GRXCR2: variants seen among roughly 807,000 people sequenced by gnomAD.
GRXCR2 encodes glutaredoxin domain-containing cysteine-rich protein 2.
A neutral mutation model predicts 24.8 loss-of-function variants in GRXCR2; 23 were observed. The observed-to-expected ratio is 0.93, with a 90% CI of 0.67 to 1.32. GRXCR2 has a LOEUF of 1.32. Ranked by LOEUF, GRXCR2 falls within the 40% of genes most tolerant of loss-of-function variation. The pLI is 0.00. For missense variants in GRXCR2, 315 were observed against 303.4 expected (o/e 1.04, Z -0.28); for synonymous variants, 130 against 116.1 (o/e 1.12, Z -0.77).
intron 2 of GRXCR2, among the ~76,000 whole-genome samples, chr5:145,916,144 T>C (rs960740905): frequency 6.6e-6 from 1 of 152,148 alleles, no homozygotes; most frequent in Non-Finnish European, 1.5e-5. Context: ...GAGCCCCTGC[T>C]TCTGCTGGGG....
At chr5:145,896,281 C>A (rs531971228) in intron 2 of GRXCR2, among the ~76,000 whole-genome samples, 1 of 152,060 alleles carries the variant, frequency 6.6e-6, no homozygotes, top group Non-Finnish European at 1.5e-5. Flanking sequence ...AATTGACAAA[C>A]GGGATGTAAC....
chr5:145,928,752 T>C (rs1342512442), intron 2 of GRXCR2, among the ~76,000 whole-genome samples: 10 of 49,500 alleles, frequency 2.0e-4, no homozygotes, highest in Non-Finnish European at 3.5e-4. Flanking sequence ...GGGCCTGTTG[T>C]GGGGTGGGGG....
chr5:145,920,654 G>A (rs565775147), intron 2 of GRXCR2, among the ~76,000 whole-genome samples: 100 of 152,284 alleles, frequency 6.6e-4, no homozygotes, highest in South Asian at 2.1e-3. Context: ...ACAAACAATC[G>A]TTCCTATGGA....
chr5:145,910,837 AGTGT>A (rs59096502), intron 2 of GRXCR2, among the ~76,000 whole-genome samples: 26 of 150,306 alleles, frequency 1.7e-4, no homozygotes, highest in African/African-American at 4.6e-4. Flanking sequence ...AACTATGTGA[AGTGT>A]GTGTGTGTGT....
chr5:145,873,730 A>C (rs1365323858), upstream of GRXCR2, among the ~76,000 whole-genome samples: 1 of 152,164 alleles, frequency 6.6e-6, no homozygotes, highest in African/African-American at 2.4e-5. Flanking sequence ...CCCTACGCTA[A>C]CCAGAGCACC....
chr5:145,892,066 G>A (rs1756873566), intron 2 of GRXCR2, among the ~76,000 whole-genome samples: 1 of 152,194 alleles, frequency 6.6e-6, no homozygotes, highest in South Asian at 2.1e-4. Context: ...ACCTGCAGCT[G>A]AGGGTCCTGA....
intron 1 of GRXCR2, among the ~76,000 whole-genome samples, chr5:145,870,731 G>C (rs995551294): frequency 1.3e-5 from 2 of 152,002 alleles, no homozygotes; most frequent in Non-Finnish European, 1.5e-5. Flanking sequence ...ATGATTCCAG[G>C]GTGTGCAGCT....
At chr5:145,899,795 A>G (rs1757000855) in intron 2 of GRXCR2, among the ~76,000 whole-genome samples, 1 of 152,184 alleles carries the variant, frequency 6.6e-6, no homozygotes, top group Non-Finnish European at 1.5e-5. Context: ...ACCTCAAACT[A>G]TAAGAATCCT....
intron 2 of GRXCR2, among the ~76,000 whole-genome samples, chr5:145,912,458 T>A (rs1757178576): frequency 6.6e-6 from 1 of 152,154 alleles, no homozygotes; most frequent in African/African-American, 2.4e-5. Flanking sequence ...GTGCTGGAGT[T>A]ACAGCAATGA....
chr5:145,864,956 G>A (rs900205351), intron 2 of GRXCR2, among the ~76,000 whole-genome samples: 2 of 152,146 alleles, frequency 1.3e-5, no homozygotes, highest in African/African-American at 2.4e-5. Flanking sequence ...TCTAGGGGAA[G>A]GGAAGGAGAG....
chr5:145,879,433 CAAAGATCA>C (rs1429620485), intron 2 of GRXCR2, among the ~76,000 whole-genome samples: 1 of 148,090 alleles, frequency 6.8e-6, no homozygotes, highest in Non-Finnish European at 1.5e-5. Flanking sequence ...TTTAAACCTA[CAAAGATCA>C]AAAGAGACAA....
chr5:145,905,334 A>G (rs903122162), intron 2 of GRXCR2, among the ~76,000 whole-genome samples: 1 of 152,216 alleles, frequency 6.6e-6, no homozygotes, highest in African/African-American at 2.4e-5. Flanking sequence ...AGTAAATAAC[A>G]TGTAAGGCCT....
upstream of GRXCR2, among the ~76,000 whole-genome samples, chr5:145,877,155 T>C (rs1372074317): frequency 6.6e-6 from 1 of 152,184 alleles, no homozygotes; most frequent in Non-Finnish European, 1.5e-5. Flanking sequence ...AGATATTTAT[T>C]TAAAGATACT....
chr5:145,930,409 G>T (rs1238081167), intron 2 of GRXCR2, among the ~76,000 whole-genome samples: 1 of 152,172 alleles, frequency 6.6e-6, no homozygotes, highest in African/African-American at 2.4e-5. Context: ...CAGGTCTCAA[G>T]TTCAGATCTA....
At position 145,889,243 on chromosome 5, in the gene GRXCR2, A is replaced by AGAAAGAAAGAAT. The variant is rs1408862997; in HGVS notation, c.-69-22516_-69-22515insATTCTTTCTTTC. Reference sequence around the variant, plus strand: ...AAGAAAGAAAGAAAGAAAGAAAGAAAGAATTATGCAATGGACTCTGGGGAC... The same window carrying AGAAAGAAAGAAT: ...AAGAAAGAAAGAAAGAAAGAAAGAAAGAAAGAAAGAATGAATTATGCAATGGACTCTGGGGAC... On this transcript the variant is annotated intron_variant, in intron 2 of 3. Transcript: ENST00000639411. Among the ~76,000 whole-genome samples the AGAAAGAAAGAAT allele has an allele frequency of 8.8e-4, 130 of 147,628 alleles. 1 individual carries two copies. Among genetic ancestry groups the AGAAAGAAAGAAT allele is most frequent in the African/African-American group, 8.3e-4 (33 of 39,572 alleles).
intron 1 of GRXCR2, among the ~76,000 whole-genome samples, chr5:145,870,135 A>C (rs1756505456): frequency 6.6e-6 from 1 of 152,190 alleles, no homozygotes; most frequent in Admixed American, 6.5e-5. Context: ...AGTGACATTA[A>C]GTGCATTCAC....
intron 2 of GRXCR2, among the ~76,000 whole-genome samples, chr5:145,863,478 T>C (rs1164019395): frequency 1.3e-5 from 2 of 152,230 alleles, no homozygotes; most frequent in Non-Finnish European, 2.9e-5. Context: ...AGGCTTACTC[T>C]TGCTTTTTTA....
In GRXCR2 at chr5:145,887,620, T is replaced by C. The variant is rs540382779; in HGVS notation, c.-69-20892A>G. 2.0e-5 allele frequency among the ~76,000 whole-genome samples: 3 copies of C among 152,382 alleles called. No homozygotes were observed. The South Asian group carries it at 6.2e-4, about 32-fold the overall frequency. ...TCTGAGAAGATGAAACACCTGTTTATAATTATCTGTGCCTAGAACATAGCT... is the reference window on the plus strand; with the variant it reads ...TCTGAGAAGATGAAACACCTGTTTACAATTATCTGTGCCTAGAACATAGCT... On this transcript the variant is annotated intron_variant, in intron 2 of 3. Transcript: ENST00000639411.
At chr5:145,889,172 A>AAAAGAAAGAAAGAAGAAAGAAAG (rs1756821340) in intron 2 of GRXCR2, among the ~76,000 whole-genome samples, 1 of 83,984 alleles carries the variant, frequency 1.2e-5, no homozygotes, top group Non-Finnish European at 2.3e-5. Flanking sequence ...CTGTCTCAAA[A>AAAAGAAAGAAAGAAGAAAGAAAG]AAAGAAAGAA....
Sources: allele counts gnomAD v4.1 joint callset (sites outside exome capture counted in the v4.1 genomes callset), GRCh38; gene constraint gnomAD v4.1.1; transcripts MANE v1.5; gene names NCBI Gene and HGNC (gene_info 2026-07-23, HGNC 2026-07-21).